GPC6: variants seen among roughly 807,000 people sequenced by gnomAD.
The protein encoded by GPC6 is glypican 6.
Under a neutral mutation model 55.2 loss-of-function variants are expected in GPC6, and 14 were observed. The observed-to-expected ratio is 0.25, with a 90% CI of 0.17 to 0.40. GPC6 has a LOEUF of 0.40. GPC6 is among the 10% of genes least tolerant of loss of function. The pLI, the probability that GPC6 is intolerant of heterozygous loss-of-function variation, is 1.00. For missense variants in GPC6, 641 were observed against 708.5 expected (o/e 0.90, Z 1.08); for synonymous variants, 278 against 259.6 (o/e 1.07, Z -0.68).
At chr13:93,676,004 C>T (rs2139634517) in intron 2 of GPC6, among the ~76,000 whole-genome samples, 1 of 150,830 alleles carries the variant, frequency 6.6e-6, no homozygotes. Flanking sequence ...GGTGCAGTGG[C>T]TCATGCCTGT....
At chr13:93,936,950 A>T (rs954463692) in intron 3 of GPC6, among the ~76,000 whole-genome samples, 2 of 152,230 alleles carry the variant, frequency 1.3e-5, no homozygotes, top group Non-Finnish European at 2.9e-5. Flanking sequence ...TACTAGGTGG[A>T]CGAAATGCCT....
At chr13:93,276,763 G>A (rs753963785) in intron 1 of GPC6, among the ~76,000 whole-genome samples, 6 of 152,074 alleles carry the variant, frequency 3.9e-5, no homozygotes, top group African/African-American at 1.4e-4. Flanking sequence ...GGGGCCTGAG[G>A]CCTGGTGAAA....
At chr13:94,013,204 G>T (rs1209062296) in intron 3 of GPC6, among the ~76,000 whole-genome samples, 1 of 126,626 alleles carries the variant, frequency 7.9e-6, no homozygotes, top group African/African-American at 2.8e-5. Context: ...ATTCTTGTGT[G>T]TGCATGTGTG....
At chr13:93,249,880 G>T (rs539353520) in intron 1 of GPC6, among the ~76,000 whole-genome samples, 8 of 152,134 alleles carry the variant, frequency 5.3e-5, no homozygotes, top group Non-Finnish European at 1.2e-4. Context: ...TCCACCTCTT[G>T]GTTTCTCCTT....
intron 1 of GPC6, among the ~76,000 whole-genome samples, chr13:93,366,839 T>G (rs1287801213): frequency 6.6e-6 from 1 of 152,110 alleles, no homozygotes; most frequent in Admixed American, 6.6e-5. Context: ...ATTTATGAAT[T>G]TATTTGTAAT....
At chr13:94,049,085 T>A (rs1883840014) in intron 4 of GPC6, among the ~76,000 whole-genome samples, 1 of 151,900 alleles carries the variant, frequency 6.6e-6, no homozygotes, top group African/African-American at 2.4e-5. Context: ...ACCCTATCTC[T>A]ATGAAAACAA....
intron 6 of GPC6, among the ~76,000 whole-genome samples, chr13:94,357,805 A>G (rs914743042): frequency 6.6e-6 from 1 of 151,914 alleles, no homozygotes; most frequent in Non-Finnish European, 1.5e-5. Context: ...ATTCTTCTCA[A>G]CTCAGTTCTT....
chr13:93,867,868 G>A (rs1889016077), intron 3 of GPC6, among the ~76,000 whole-genome samples: 1 of 151,774 alleles, frequency 6.6e-6, no homozygotes, highest in Non-Finnish European at 1.5e-5. Context: ...AGCTGCAAGA[G>A]AATCCATGTC....
intron 2 of GPC6, among the ~76,000 whole-genome samples, chr13:93,778,483 T>G (rs2138903255): frequency 6.6e-6 from 1 of 152,270 alleles, no homozygotes; most frequent in South Asian, 2.1e-4. Context: ...TGCTAAGTAC[T>G]GGGGAGAGGT....
intron 4 of GPC6, among the ~76,000 whole-genome samples, chr13:94,111,273 A>G (rs968903709): frequency 4.0e-5 from 6 of 151,610 alleles, no homozygotes; most frequent in African/African-American, 1.5e-4. Flanking sequence ...TTAATTTCAC[A>G]TATGTTCCTC....
intron 1 of GPC6, among the ~76,000 whole-genome samples, chr13:93,422,927 A>G (rs1876977939): frequency 6.6e-6 from 1 of 152,188 alleles, no homozygotes; most frequent in African/African-American, 2.4e-5. Flanking sequence ...TAGAGATTTA[A>G]TTAAAGACTG....
In GPC6 at chr13:94,237,252, C is replaced by T. The variant is rs77482035; in HGVS notation, c.878-49097C>T. On this transcript the variant is annotated intron_variant, in intron 4 of 8. Transcript: ENST00000377047. ...AAAGAACCCAATGAATGAAGCAAGG[C>T]TTTTCAAGTGCCTGTTTTTTCTTCT... Among the ~76,000 whole-genome samples, 562 of 152,202 alleles carry T rather than the reference C, an allele frequency of 3.7e-3. 6 individuals are homozygous for T. Among genetic ancestry groups the T allele is most frequent in the African/African-American group, 0.012 (511 of 41,544 alleles).
chr13:94,155,927 A>G (rs1342385506), intron 4 of GPC6, among the ~76,000 whole-genome samples: 3 of 152,118 alleles, frequency 2.0e-5, no homozygotes, highest in Admixed American at 6.6e-5. Context: ...CTGACTAAGA[A>G]CACACTCCAC....
At chr13:93,575,315 G>T (rs1876605077) in intron 2 of GPC6, among the ~76,000 whole-genome samples, 1 of 152,062 alleles carries the variant, frequency 6.6e-6, no homozygotes, top group Non-Finnish European at 1.5e-5. Flanking sequence ...AAGGTGAATT[G>T]TCTATTACAT....
At chr13:93,454,882 G>T (rs192752093) in intron 1 of GPC6, among the ~76,000 whole-genome samples, 54 of 152,366 alleles carry the variant, frequency 3.5e-4, no homozygotes, top group African/African-American at 1.2e-3. Flanking sequence ...GCCCATGGAG[G>T]GGGTGGGAGG....
At chr13:93,719,627 A>G (rs1883380042) in intron 2 of GPC6, among the ~76,000 whole-genome samples, 1 of 152,104 alleles carries the variant, frequency 6.6e-6, no homozygotes, top group African/African-American at 2.4e-5. Flanking sequence ...TATGTTGAAT[A>G]GGAGTGGTGA....
chr13:94,117,381 C>G (rs1467917652), intron 4 of GPC6, among the ~76,000 whole-genome samples: 1 of 152,082 alleles, frequency 6.6e-6, no homozygotes, highest in African/African-American at 2.4e-5. Context: ...TGAATAACAT[C>G]AAGGGTAGAT....
At chr13:94,158,717 T>C (rs962678329) in intron 4 of GPC6, among the ~76,000 whole-genome samples, 1 of 152,148 alleles carries the variant, frequency 6.6e-6, no homozygotes, top group Non-Finnish European at 1.5e-5. Flanking sequence ...TACCACTTCG[T>C]ATCTCAACTC....
At chr13:94,155,411 C>T (rs1328822) in intron 4 of GPC6, among the ~76,000 whole-genome samples, 1 of 152,006 alleles carries the variant, frequency 6.6e-6, no homozygotes, top group Admixed American at 6.6e-5. Flanking sequence ...ATACCTTTTC[C>T]ACAGCTTTCA....
Sources: gnomAD v4.1 joint callset for allele counts (sites outside exome capture counted in the v4.1 genomes callset) on GRCh38, gnomAD v4.1.1 for gene constraint, MANE v1.5 for transcripts, NCBI Gene and HGNC (gene_info 2026-07-23, HGNC 2026-07-21) for gene names.